The following USP46 variants were observed in gnomAD, a reference collection of about 807,000 sequenced individuals.
USP46 encodes the protein ubiquitin specific peptidase 46, also known as ubiquitin carboxyl-terminal hydrolase 46.
USP46 carries 12 observed loss-of-function variants against 44.4 expected under a neutral mutation model. The observed-to-expected ratio is 0.27, with a 90% CI of 0.17 to 0.44. The LOEUF is 0.44. USP46 is among the 20% of genes least tolerant of loss of function. The pLI, the probability that USP46 is intolerant of heterozygous loss-of-function variation, is 1.00. For synonymous variants in USP46, 155 were observed against 161.5 expected, an observed-to-expected ratio of 0.96 and a Z score of 0.31; for missense variants, 248 against 444.8, an observed-to-expected ratio of 0.56 and a Z score of 3.98.
At chr4:52,653,524 T>C (rs572031578) in intron 1 of USP46, among the ~76,000 whole-genome samples, 59 of 151,470 alleles carry the variant, frequency 3.9e-4, no homozygotes, top group African/African-American at 1.4e-3. Flanking sequence ...AAAAAAGATT[T>C]TGCTGATTGA....
At chr4:52,628,455 G>T (rs748015413) in intron 2 of USP46, 2 of 274,998 alleles carry the variant, frequency 7.3e-6, no homozygotes, top group Non-Finnish European at 6.8e-6. Context: ...GAGACCTGCT[G>T]GTGCTTAAAA....
chr4:52,632,968 G>GAAAAGA (rs746313855), intron 1 of USP46, among the ~76,000 whole-genome samples: 3 of 74,816 alleles, frequency 4.0e-5, no homozygotes, highest in Admixed American at 1.4e-4. Flanking sequence ...AAGAAAGAAA[G>GAAAAGA]AAAGAAAGAA....
intron 4 of USP46, among the ~76,000 whole-genome samples, chr4:52,613,682 A>T (rs893319259): frequency 3.3e-5 from 5 of 151,176 alleles, no homozygotes; most frequent in African/African-American, 1.2e-4. Flanking sequence ...AGATCTCGCC[A>T]CTGCACTCTA....
chr4:52,632,017 AGGGAAGGGGAAG>A (rs142747239), intron 1 of USP46, among the ~76,000 whole-genome samples: 2 of 145,938 alleles, frequency 1.4e-5, no homozygotes, highest in South Asian at 2.4e-4. Flanking sequence ...AGGGAAGGCA[AGGGAAGGGGAAG>A]GGGAAGGGGA....
At chr4:52,636,298 T>C (rs1054105439) in intron 1 of USP46, among the ~76,000 whole-genome samples, 4 of 151,996 alleles carry the variant, frequency 2.6e-5, no homozygotes, top group Admixed American at 6.6e-5. Flanking sequence ...AGGAAATGGG[T>C]CTCCTTACAG....
intron 4 of USP46, among the ~76,000 whole-genome samples, chr4:52,612,123 T>C (rs181134500): frequency 6.6e-6 from 1 of 152,236 alleles, no homozygotes; most frequent in African/African-American, 2.4e-5. Context: ...CTCAATAAAT[T>C]AGGAAGGGAT....
At chr4:52,621,399 T>C (rs139242436) in intron 4 of USP46, among the ~76,000 whole-genome samples, 10 of 152,284 alleles carry the variant, frequency 6.6e-5, no homozygotes, top group African/African-American at 2.4e-4. Context: ...CTCACGTATG[T>C]AATCCCAGCA....
At chr4:52,639,865 T>G (rs901931368) in intron 1 of USP46, among the ~76,000 whole-genome samples, 2 of 147,268 alleles carry the variant, frequency 1.4e-5, no homozygotes, top group African/African-American at 5.0e-5. Context: ...CCTGGGTTTT[T>G]TTTTTTTTTT....
Position 52,596,248 on chromosome 4 carries a change from T to A in USP46, c.*1392A>T, listed in dbSNP as rs546137733. On this transcript the variant is annotated 3_prime_UTR_variant, in exon 9 of 9. Coordinates refer to ENST00000441222, the MANE Select transcript of USP46 (RefSeq NM_022832.4). ...GTTTGCATGTTCATCAGTGGATGCA[T>A]TAGGTAACAAAAATATGTTCACAGT... The A allele has an allele frequency of 6.5e-4, 100 of 152,750 alleles. No individual in the cohort carries two copies. The highest frequency in any genetic ancestry group is 2.4e-3 in the African/African-American group (98 of 41,574). The allele number at this position is 152,750 out of a possible 1,614,324, so 9.5% of individuals were successfully genotyped here.
At chr4:52,650,758 T>C (rs1718726906) in intron 1 of USP46, among the ~76,000 whole-genome samples, 1 of 152,134 alleles carries the variant, frequency 6.6e-6, no homozygotes, top group South Asian at 2.1e-4. Context: ...AAAATCTCTG[T>C]TCTGAATATA....
At chr4:52,630,988 T>A in intron 2 of USP46, 76 bp downstream of exon 2, 1 of 1,261,196 alleles carries the variant, frequency 7.9e-7, no homozygotes, top group Non-Finnish European at 1.1e-6. Flanking sequence ...TTGGTAGTGA[T>A]AAAAATGCAC....
chr4:52,632,985 A>AAAGAAGG (rs1553891297), intron 1 of USP46, among the ~76,000 whole-genome samples: 2 of 53,314 alleles, frequency 3.8e-5, no homozygotes, highest in African/African-American at 8.3e-5. Context: ...AGAAAGAAAG[A>AAAGAAGG]AAAGAAAAGA....
intron 4 of USP46, among the ~76,000 whole-genome samples, chr4:52,622,214 G>A (rs1717403429): frequency 6.6e-6 from 1 of 152,150 alleles, no homozygotes; most frequent in Non-Finnish European, 1.5e-5. Flanking sequence ...GGGTTTCAAA[G>A]TTATTGTTAA....
chr4:52,613,670 C>T (rs566285021), intron 4 of USP46, among the ~76,000 whole-genome samples: 7 of 149,582 alleles, frequency 4.7e-5, no homozygotes, highest in African/African-American at 1.7e-4. Flanking sequence ...TGCAGTAAGC[C>T]GAGATCTCGC....
At chr4:52,607,412 G>T (rs1361233691) in intron 5 of USP46, among the ~76,000 whole-genome samples, 1 of 152,182 alleles carries the variant, frequency 6.6e-6, no homozygotes, top group Non-Finnish European at 1.5e-5. Flanking sequence ...AAGACAAGAG[G>T]GGCACTTGCT....
intron 1 of USP46, among the ~76,000 whole-genome samples, chr4:52,646,709 G>A (rs180726218): frequency 1.3e-5 from 2 of 152,128 alleles, no homozygotes; most frequent in African/African-American, 4.8e-5. Flanking sequence ...CTTCCCTACA[G>A]ACTCTGAAAA....
intron 4 of USP46, among the ~76,000 whole-genome samples, chr4:52,615,813 A>C (rs951437667): frequency 6.6e-6 from 1 of 152,236 alleles, no homozygotes; most frequent in Non-Finnish European, 1.5e-5. Flanking sequence ...ACAACTCAGC[A>C]AATTACTTAA....
In USP46 at chr4:52,597,701, G is replaced by A. The variant is rs1358626472; in HGVS notation, c.1040C>T (p.Thr347Met). Residue 347 changes from threonine to methionine, a missense_variant, in exon 9 of 9, where the codon ACG becomes ATG. Physicochemically the swap from Thr to Met is moderately conservative, Grantham distance 81. Coordinates refer to ENST00000441222, the MANE Select transcript of USP46 (RefSeq NM_022832.4). ...TTCTGAATTTTTTGATATATCTGAC[G>A]TCAGGCCATAGAATTCTTCAATAGC... ...AQAIEEFYGLTSDISKNSESG... is the reference protein window; with the variant it reads ...AQAIEEFYGLMSDISKNSESG... 7.5e-6 allele frequency: 12 copies of A among 1,603,394 alleles called. No individual in the cohort carries two copies. Among genetic ancestry groups the A allele is most frequent in the Non-Finnish European group, 8.5e-6 (10 of 1,174,780 alleles).
intron 1 of USP46, among the ~76,000 whole-genome samples, chr4:52,632,994 G>GAAAGAAAGAAAGAAAGGA (rs1717964649): frequency 1.1e-5 from 1 of 91,324 alleles, no homozygotes; most frequent in Non-Finnish European, 2.2e-5. Flanking sequence ...GAAAAGAAAA[G>GAAAGAAAGAAAGAAAGGA]AAAGAAAGAA....
Sources: gnomAD v4.1 joint callset for allele counts (sites outside exome capture counted in the v4.1 genomes callset) on GRCh38, gnomAD v4.1.1 for gene constraint, MANE v1.5 for transcripts, NCBI Gene and HGNC (gene_info 2026-07-23, HGNC 2026-07-21) for gene names.